GPC1: variants seen among roughly 807,000 people sequenced by gnomAD.
GPC1 encodes the protein glypican 1, also known as glypican-1.
Under a neutral mutation model 51.5 loss-of-function variants are expected in GPC1, and 26 were observed. The ratio of observed to expected loss-of-function variants is 0.50; its 90% CI spans 0.37 to 0.70. The LOEUF (loss-of-function observed/expected upper bound fraction) is 0.70. Among genes scored for constraint, GPC1 ranks in the 30% least tolerant of loss-of-function variants. The pLI, the probability that GPC1 is intolerant of heterozygous loss-of-function variation, is 0.00. For missense variants in GPC1, 775 were observed against 800.5 expected (o/e 0.97, Z 0.38); for synonymous variants, 380 against 348.3 (o/e 1.09, Z -1.01).
chr2:240,438,969 G>A lies in GPC1; in HGVS notation c.166+2885G>A, dbSNP rs539540155. Reference sequence around the variant, plus strand: ...GCCGAGTGGCACCCCGGGTGCCCCTGCGCTGCCAGGAGCCCTCATGCTGAA... The same window carrying A: ...GCCGAGTGGCACCCCGGGTGCCCCTACGCTGCCAGGAGCCCTCATGCTGAA... On this transcript the variant is annotated intron_variant, in intron 1 of 8. Transcript: ENST00000264039. 2.6e-5 allele frequency among the ~76,000 whole-genome samples: 4 copies of A among 152,270 alleles called. No individual in the cohort carries two copies. The South Asian group carries it at 8.3e-4, about 32-fold the overall frequency.
chr2:240,461,476 C>T (rs181243464), intron 2 of GPC1, among the ~76,000 whole-genome samples: 7 of 152,236 alleles, frequency 4.6e-5, no homozygotes, highest in Admixed American at 6.5e-5. Flanking sequence ...CATCTAGGCC[C>T]GGGGTACGGG....
chr2:240,460,045 G>GA (rs2074203700), intron 2 of GPC1, among the ~76,000 whole-genome samples: 1 of 152,102 alleles, frequency 6.6e-6, no homozygotes, highest in Non-Finnish European at 1.5e-5. Flanking sequence ...CTGGGGCCCT[G>GA]GGGTTTGTCT....
At chr2:240,458,959 A>G in intron 1 of GPC1, 71 bp from the exon 2 acceptor site, 1 of 1,429,368 alleles carries the variant, frequency 7.0e-7, no homozygotes, top group Non-Finnish European at 9.7e-7. Context: ...TGCCCAGGAG[A>G]GCCTGAGGGT....
intron 8 of GPC1, 149 bp downstream of exon 8, chr2:240,465,797 C>G (rs114804839): frequency 1.7e-5 from 12 of 724,684 alleles, no homozygotes; most frequent in Non-Finnish European, 2.3e-5. Flanking sequence ...TGCCCAGGCA[C>G]GATCACCGAG....
chr2:240,460,289 C>T (rs985027205), intron 2 of GPC1, among the ~76,000 whole-genome samples: 2 of 152,074 alleles, frequency 1.3e-5, no homozygotes, highest in African/African-American at 2.4e-5. Flanking sequence ...CGCGTGGCCC[C>T]TCTGGGACTC....
At chr2:240,455,586 C>T (rs1308413343) in intron 1 of GPC1, among the ~76,000 whole-genome samples, 9 of 152,188 alleles carry the variant, frequency 5.9e-5, no homozygotes, top group Admixed American at 2.6e-4. Flanking sequence ...GGGTTCCCTC[C>T]TGGCCTGAGG....
chr2:240,462,136 C>T, intron 2 of GPC1, 55 bp from the exon 3 acceptor site: 1 of 1,484,830 alleles, frequency 6.7e-7, no homozygotes. Flanking sequence ...TGCTCTGGTC[C>T]AGCTGCCACG....
In GPC1 at chr2:240,462,594, C is replaced by T; in HGVS notation, c.717+12C>T. 3 of 1,507,432 alleles carry T rather than the reference C, an allele frequency of 2.0e-6. No homozygotes were observed. Among genetic ancestry groups the T allele is most frequent in the African/African-American group, 2.8e-5 (2 of 71,912 alleles). The allele number at this position is 1,507,432 out of a possible 1,614,324, so 93.4% of individuals were successfully genotyped here. A position where few individuals can be genotyped will look rare whatever the true frequency, so the allele number is the denominator to read the frequency against. ...GGAAAGTGGCTCAGGTGCGCACAGC[C>T]ACCCAGGGCTCTCAGAAACCCCTCC... On this transcript the variant is annotated intron_variant, in intron 3 of 8. Transcript: ENST00000264039.
intron 1 of GPC1, among the ~76,000 whole-genome samples, chr2:240,437,549 C>T (rs2073991925): frequency 6.6e-6 from 1 of 152,150 alleles, no homozygotes; most frequent in Non-Finnish European, 1.5e-5. Context: ...TCCAGGCTGC[C>T]CCCCTCACCC....
intron 1 of GPC1, chr2:240,442,567 C>T (rs907534550): frequency 1.3e-5 from 2 of 152,360 alleles, no homozygotes; most frequent in African/African-American, 4.8e-5. Context: ...TCTCCGAATT[C>T]CCCCTCTTCA....
At chr2:240,444,843 C>T (rs566053193) in intron 1 of GPC1, among the ~76,000 whole-genome samples, 10 of 152,304 alleles carry the variant, frequency 6.6e-5, no homozygotes, top group Admixed American at 2.6e-4. Context: ...CCATGTGTGA[C>T]GTCCAAGTGT....
At chr2:240,455,490 G>T (rs936123201) in intron 1 of GPC1, among the ~76,000 whole-genome samples, 3 of 152,194 alleles carry the variant, frequency 2.0e-5, no homozygotes, top group African/African-American at 7.2e-5. Flanking sequence ...ATGGGCTGCC[G>T]GGACTCACCC....
chr2:240,464,542 C>T (rs959296571), intron 4 of GPC1, 74 bp from the exon 5 acceptor site: 5 of 291,132 alleles, frequency 1.7e-5, no homozygotes, highest in South Asian at 5.6e-5. Context: ...CACGTGGTGA[C>T]GCCTGCGTGT....
intron 2 of GPC1, among the ~76,000 whole-genome samples, chr2:240,461,386 G>A (rs576711851): frequency 2.6e-5 from 4 of 152,328 alleles, no homozygotes; most frequent in Admixed American, 6.5e-5. Context: ...GGGCAAAGCC[G>A]GCCACAGCCC....
In GPC1 at chr2:240,465,614, C is replaced by T. The variant is rs1432435116; in HGVS notation, c.1410C>T (p.Ala470=). Residue 470 remains alanine, a synonymous_variant, in exon 8 of 9, where the codon GCC becomes GCT. Coordinates refer to ENST00000264039, the MANE Select transcript of GPC1 (RefSeq NM_002081.3). ...LKIMTNRLRS[A]YNGNDVDFQD... is the part of the protein sequence containing the mutation. Reference sequence around the variant, plus strand: ...TCATGACCAACCGGCTGCGCAGCGCCTACAACGGCAACGACGTGGACTTCC... The same window carrying T: ...TCATGACCAACCGGCTGCGCAGCGCTTACAACGGCAACGACGTGGACTTCC... The T allele has an allele frequency of 6.2e-7, 1 of 1,612,996 alleles. No individual in the cohort carries two copies. Among genetic ancestry groups the T allele is most frequent in the African/African-American group, 1.3e-5 (1 of 75,072 alleles).
At chr2:240,456,732 C>T (rs2074168309) in intron 1 of GPC1, 1 of 423,634 alleles carries the variant, frequency 2.4e-6, no homozygotes, top group Admixed American at 2.7e-5. Context: ...AGGAAAGGAC[C>T]CGGAGGGGCG....
chr2:240,462,303 A>G lies in GPC1; in HGVS notation c.438A>G (p.Ser146=), dbSNP rs1444791518. The change falls in exon 3 of 9, where the codon TCA becomes TCG. Residue 146 remains serine, a synonymous_variant. Transcript: ENST00000264039. ...CGAGGGCCTTCCGGGACCTGTACTC[A>G]GAGCTGCGCCTGTACTACCGCGGTG... The part of the protein sequence containing the change: ...QNARAFRDLY[S]ELRLYYRGAN... The G allele has an allele frequency of 6.2e-7, 1 of 1,608,298 alleles. No homozygotes were observed. The highest frequency in any genetic ancestry group is 1.1e-5 in the South Asian group (1 of 90,264).
chr2:240,458,436 G>T (rs1395657477), intron 1 of GPC1: 1 of 202,836 alleles, frequency 4.9e-6, no homozygotes, highest in African/African-American at 2.3e-5. Context: ...CAGGGCTTGG[G>T]GCATGGTCCA....
At chr2:240,442,266 T>A (rs1486398628) in intron 1 of GPC1, 2 of 151,138 alleles carry the variant, frequency 1.3e-5, no homozygotes, top group African/African-American at 4.9e-5. Flanking sequence ...CCACACAGGG[T>A]GGGGAAGGCC....
Sources: allele counts gnomAD v4.1 joint callset (sites outside exome capture counted in the v4.1 genomes callset), GRCh38; gene constraint gnomAD v4.1.1; transcripts MANE v1.5; gene names NCBI Gene and HGNC (gene_info 2026-07-23, HGNC 2026-07-21).